The following BDKRB2 variants were observed in gnomAD, a reference collection of about 807,000 sequenced individuals.
BDKRB2 encodes the protein bradykinin receptor B2, also known as B2 bradykinin receptor.
Under a neutral mutation model 4.0 loss-of-function variants are expected in BDKRB2, and 6 were observed. The ratio of observed to expected loss-of-function variants is 1.49; its 90% CI spans 0.81 to 2.93. The LOEUF (loss-of-function observed/expected upper bound fraction) is 2.93, where lower values mean the gene tolerates loss of function less well. BDKRB2 is among the 30% of genes most tolerant of loss of function. The pLI is 0.00. For synonymous variants in BDKRB2, 225 were observed against 215.3 expected, an observed-to-expected ratio of 1.05 and a Z score of -0.40; for missense variants, 478 against 520.1, an observed-to-expected ratio of 0.92 and a Z score of 0.79.
intron 1 of BDKRB2, among the ~76,000 whole-genome samples, chr14:96,231,870 C>T (rs1890826687): frequency 6.6e-6 from 1 of 152,212 alleles, no homozygotes; most frequent in Non-Finnish European, 1.5e-5. Context: ...ACCATGTGCT[C>T]AGCTGCCACT....
intron 1 of BDKRB2, among the ~76,000 whole-genome samples, chr14:96,219,072 G>C (rs1197151639): frequency 6.6e-6 from 1 of 151,922 alleles, no homozygotes; most frequent in Admixed American, 6.6e-5. Context: ...GGGAGGCCAA[G>C]GCAGGGATCA....
Position 96,243,746 on chromosome 14 carries a change from A to C in BDKRB2, c.*2242A>C, listed in dbSNP as rs1303282476. ...CCCACCACCCACTCTCCTCTGCCTCAGTAAGTATCTGGAGGAAGAAAACAG... is the reference window on the plus strand; with the variant it reads ...CCCACCACCCACTCTCCTCTGCCTCCGTAAGTATCTGGAGGAAGAAAACAG... On this transcript the variant is annotated 3_prime_UTR_variant, in exon 3 of 3. Coordinates refer to ENST00000554311, the MANE Select transcript of BDKRB2 (RefSeq NM_001379692.1). The C allele has an allele frequency of 1.3e-5, 2 of 156,094 alleles. No individual in the cohort carries two copies. Among genetic ancestry groups the C allele is most frequent in the Admixed American group, 1.3e-4 (2 of 15,396 alleles). 9.7% of individuals were successfully genotyped at this position (156,094 alleles called of 1,614,324 possible). A position where few individuals can be genotyped will look rare whatever the true frequency, so the allele number is the denominator to read the frequency against.
chr14:96,236,557 T>C (rs912738260), intron 1 of BDKRB2, among the ~76,000 whole-genome samples: 1 of 152,142 alleles, frequency 6.6e-6, no homozygotes, highest in African/African-American at 2.4e-5. Flanking sequence ...TGGAATCCAG[T>C]CTCTCAGTCT....
intron 1 of BDKRB2, among the ~76,000 whole-genome samples, chr14:96,220,749 A>G (rs902854185): frequency 2.6e-5 from 4 of 151,800 alleles, no homozygotes; most frequent in African/African-American, 4.9e-5. Flanking sequence ...GATTTTGCCA[A>G]CTGCCCCCCA....
chr14:96,216,695 AGGAG>A (rs1384038289), intron 1 of BDKRB2, among the ~76,000 whole-genome samples: 2 of 114,674 alleles, frequency 1.7e-5, no homozygotes, highest in Non-Finnish European at 3.6e-5. Flanking sequence ...AGGAGGAGGA[AGGAG>A]GAGGAAGGAG....
chr14:96,228,442 A>T (rs565132426), intron 1 of BDKRB2, among the ~76,000 whole-genome samples: 39 of 152,082 alleles, frequency 2.6e-4, no homozygotes, highest in Non-Finnish European at 4.9e-4. Flanking sequence ...TTATTGAGTG[A>T]TGGAGGTGGC....
Position 96,226,149 on chromosome 14 carries a change from A to G in BDKRB2, c.-39-10920A>G, listed in dbSNP as rs113991593. On this transcript the variant is annotated intron_variant, in intron 1 of 2. Transcript: ENST00000554311. ...GGGTTTCTATTTTTTCCTGGTATAC[A>G]TGAATGGCATGCAGGAAAGTGGAAT... Among the ~76,000 whole-genome samples, 6 of 152,308 alleles carry G rather than the reference A, an allele frequency of 3.9e-5. 1 individual carries two copies. Among genetic ancestry groups the G allele is most frequent in the African/African-American group, 1.2e-4 (5 of 41,576 alleles).
chr14:96,218,845 G>C (rs1890486925), intron 1 of BDKRB2, among the ~76,000 whole-genome samples: 1 of 151,976 alleles, frequency 6.6e-6, no homozygotes, highest in Admixed American at 6.5e-5. Context: ...CTTGAACCCA[G>C]GGGACGGAGG....
At position 96,241,621 on chromosome 14, in the gene BDKRB2, T is replaced by C. The variant is rs1885295888; in HGVS notation, c.*117T>C. On this transcript the variant is annotated 3_prime_UTR_variant, in exon 3 of 3. Coordinates refer to ENST00000554311, the MANE Select transcript of BDKRB2 (RefSeq NM_001379692.1). ...TGCACGACCTTGGGAAATGAGTTGA[T>C]GTCTCCGGTAAAACACCGGAGACTA... is the stretch of plus-strand genomic sequence containing the variant. The C allele has an allele frequency of 7.1e-7, 1 of 1,416,398 alleles. No homozygotes were observed. The highest frequency in any genetic ancestry group is 1.4e-5 in the African/African-American group (1 of 69,938). 87.7% of individuals were successfully genotyped at this position (1,416,398 alleles called of 1,614,324 possible).
chr14:96,210,951 CTT>C (rs1890289173), intron 1 of BDKRB2: 1 of 152,442 alleles, frequency 6.6e-6, no homozygotes, highest in Non-Finnish European at 1.5e-5. Context: ...CAAACCTGTT[CTT>C]CACTCTCTGG....
rs61982612 is a variant in BDKRB2, at chr14:96,237,140, G to A, written c.33G>A (p.Leu11=). 3.1e-6 allele frequency: 5 copies of A among 1,614,016 alleles called. No individual in the cohort carries two copies. The highest frequency in any genetic ancestry group is 4.2e-6 in the Non-Finnish European group (5 of 1,179,986). MFSPWKISMF[L]SVREDSVPTT... ...CTCCCTGGAAGATATCAATGTTTCT[G>A]TCTGTTCGTGAGGACTCCGTGCCCA... The change falls in exon 2 of 3, where the codon CTG becomes CTA. Residue 11 remains leucine, a synonymous_variant. Transcript: ENST00000554311.
intron 1 of BDKRB2, among the ~76,000 whole-genome samples, chr14:96,227,067 C>T (rs1428907132): frequency 3.9e-5 from 6 of 152,172 alleles, no homozygotes; most frequent in Non-Finnish European, 4.4e-5. Flanking sequence ...GCTGGCATTG[C>T]CTTGCCGTGT....
intron 1 of BDKRB2, among the ~76,000 whole-genome samples, chr14:96,236,760 A>G (rs1429822908): frequency 6.6e-6 from 1 of 152,122 alleles, no homozygotes. Flanking sequence ...TGTTCTCATC[A>G]ATAATCCACT....
In BDKRB2 at chr14:96,240,390, C is replaced by T. The variant is rs1885243088; in HGVS notation, c.75-13C>T. 2 of 1,422,834 alleles carry T rather than the reference C, an allele frequency of 1.4e-6. No individual in the cohort carries two copies. Among genetic ancestry groups the T allele is most frequent in the Admixed American group, 2.7e-5 (1 of 37,112 alleles). The allele number at this position is 1,422,834 out of a possible 1,614,324, so 88.1% of individuals were successfully genotyped here. ...CCCTGAGGGGTAACAGCCTCTTTTCCACTTTCTTTCAGCGCCGACATGCTC... is the reference window on the plus strand; with the variant it reads ...CCCTGAGGGGTAACAGCCTCTTTTCTACTTTCTTTCAGCGCCGACATGCTC... On this transcript the variant is annotated splice_polypyrimidine_tract_variant and intron_variant, in intron 2 of 2. Coordinates refer to ENST00000554311, the MANE Select transcript of BDKRB2 (RefSeq NM_001379692.1).
chr14:96,238,474 C>G, intron 2 of BDKRB2: 3 of 985,664 alleles, frequency 3.0e-6, no homozygotes, highest in South Asian at 4.7e-5. Context: ...CCACCACACA[C>G]CACAGGGATC....
intron 1 of BDKRB2, among the ~76,000 whole-genome samples, chr14:96,222,880 T>C (rs1177202203): frequency 6.6e-6 from 1 of 152,122 alleles, no homozygotes; most frequent in Non-Finnish European, 1.5e-5. Flanking sequence ...TTCACCTGTG[T>C]CTTTTTACTT....
At chr14:96,221,929 T>C (rs576256055) in intron 1 of BDKRB2, among the ~76,000 whole-genome samples, 6 of 152,136 alleles carry the variant, frequency 3.9e-5, no homozygotes, top group African/African-American at 1.4e-4. Flanking sequence ...CCTCAGAAAT[T>C]GTCTTACAAT....
chr14:96,222,063 T>C (rs1374368297), intron 1 of BDKRB2, among the ~76,000 whole-genome samples: 1 of 152,100 alleles, frequency 6.6e-6, no homozygotes, highest in South Asian at 2.1e-4. Context: ...ACCAACCAGC[T>C]GTAAGGCAGG....
At chr14:96,207,529 G>A (rs528861621) in intron 1 of BDKRB2, among the ~76,000 whole-genome samples, 24 of 152,178 alleles carry the variant, frequency 1.6e-4, no homozygotes, top group Non-Finnish European at 2.9e-4. Flanking sequence ...TGTAATGGTA[G>A]AGGCATGTCA....
Sources: allele counts gnomAD v4.1 joint callset (sites outside exome capture counted in the v4.1 genomes callset), GRCh38; gene constraint gnomAD v4.1.1; transcripts MANE v1.5; gene names NCBI Gene and HGNC (gene_info 2026-07-23, HGNC 2026-07-21).